Variants in KIF16B observed in about 807,000 individuals in gnomAD.
The protein encoded by KIF16B is kinesin-like protein KIF16B.
Under a neutral mutation model 156.3 loss-of-function variants are expected in KIF16B, and 98 were observed. The observed-to-expected ratio is 0.63, with a 90% CI of 0.53 to 0.74. The LOEUF (loss-of-function observed/expected upper bound fraction) is 0.74. Among genes scored for constraint, KIF16B ranks in the 30% least tolerant of loss-of-function variants. The pLI, the probability that KIF16B is intolerant of heterozygous loss-of-function variation, is 0.00. For synonymous variants in KIF16B, 564 were observed against 583.7 expected (o/e 0.97, Z 0.49); for missense variants, 1,421 against 1,606.5 (o/e 0.88, Z 1.97).
rs2063005077 is a variant in KIF16B at position 16,273,093 on chromosome 20, C to T, written c.*160G>A. 3.1e-6 allele frequency: 2 copies of T among 649,492 alleles called. No individual in the cohort carries two copies. Among genetic ancestry groups the T allele is most frequent in the African/African-American group, 1.8e-5 (1 of 55,176 alleles). The allele number at this position is 649,492 out of a possible 1,614,324, so 40.2% of individuals were successfully genotyped here. A position where few individuals can be genotyped will look rare whatever the true frequency, so the allele number is the denominator to read the frequency against. ...AGAGCATCCCATCCCCAAACTCAGG[C>T]ACTAGGTATGGAAACGTGAGGTGGC... On this transcript the variant is annotated 3_prime_UTR_variant, in exon 26 of 26. Transcript: ENST00000354981.
At chr20:16,469,584 T>C (rs1397340255) in intron 12 of KIF16B, among the ~76,000 whole-genome samples, 1 of 146,442 alleles carries the variant, frequency 6.8e-6, no homozygotes, top group South Asian at 2.1e-4. Flanking sequence ...AAGAGTAAAT[T>C]AAATGCAAAG....
rs765327943 is a variant in KIF16B at position 16,273,360 on chromosome 20, G to A, written c.3847C>T (p.Leu1283Phe). The A allele has an allele frequency of 2.5e-6, 4 of 1,613,794 alleles. No homozygotes were observed. The highest frequency in any genetic ancestry group is 1.3e-5 in the African/African-American group (1 of 75,040). The change falls in exon 26 of 26, where the codon CTC becomes TTC. Residue 1283 changes from leucine (L) to phenylalanine (F), a missense_variant. Physicochemically the swap from Leu to Phe is conservative, Grantham distance 22. Coordinates refer to ENST00000354981, the MANE Select transcript of KIF16B (RefSeq NM_024704.5). ...SVMLQSATSPLHINKVGLTLS... is the reference protein window; with the variant it reads ...SVMLQSATSPFHINKVGLTLS... The stretch of plus-strand genomic sequence containing the variant: ...GTCAGTCCCACTTTGTTGATGTGGA[G>A]GGGAGATGTTGCGGACTGGAGCATC...
intron 25 of KIF16B, among the ~76,000 whole-genome samples, chr20:16,311,044 G>A (rs1194496080): frequency 6.6e-6 from 1 of 152,220 alleles, no homozygotes; most frequent in Admixed American, 6.5e-5. Flanking sequence ...GGCATTAAGT[G>A]CATGCCATGG....
At chr20:16,309,368 C>T (rs1202780897) in intron 25 of KIF16B, among the ~76,000 whole-genome samples, 1 of 152,146 alleles carries the variant, frequency 6.6e-6, no homozygotes, top group Non-Finnish European at 1.5e-5. Flanking sequence ...TTAAATGTTA[C>T]AATTTCCAGC....
chr20:16,547,137 C>T (rs567476936), intron 1 of KIF16B, among the ~76,000 whole-genome samples: 1 of 152,266 alleles, frequency 6.6e-6, no homozygotes, highest in South Asian at 2.1e-4. Flanking sequence ...TACAGACTGT[C>T]CCACCTAAAG....
intron 12 of KIF16B, among the ~76,000 whole-genome samples, chr20:16,482,856 C>T (rs1056846762): frequency 1.3e-5 from 2 of 152,152 alleles, no homozygotes; most frequent in African/African-American, 4.8e-5. Context: ...GATTCACCTG[C>T]TCCCCCAACC....
intron 25 of KIF16B, among the ~76,000 whole-genome samples, chr20:16,299,917 G>C (rs1366050583): frequency 1.3e-5 from 2 of 152,100 alleles, no homozygotes; most frequent in African/African-American, 2.4e-5. Flanking sequence ...AGGTCACTTA[G>C]AATATCGCAA....
chr20:16,428,631 T>C (rs1027969943), intron 14 of KIF16B, among the ~76,000 whole-genome samples: 1 of 152,156 alleles, frequency 6.6e-6, no homozygotes, highest in Non-Finnish European at 1.5e-5. Flanking sequence ...TCAATCATTG[T>C]TCCATTGTGA....
chr20:16,333,787 T>A (rs949453585), intron 24 of KIF16B, among the ~76,000 whole-genome samples: 3 of 152,202 alleles, frequency 2.0e-5, no homozygotes, highest in Non-Finnish European at 4.4e-5. Flanking sequence ...AAAACTCTTT[T>A]AAATATCTCT....
chr20:16,345,173 G>A (rs999851093), intron 23 of KIF16B, among the ~76,000 whole-genome samples: 3 of 152,174 alleles, frequency 2.0e-5, no homozygotes, highest in African/African-American at 7.2e-5. Context: ...ATGCCTCCAT[G>A]AGCCCATTGG....
At chr20:16,555,585 T>C (rs1265819581) in intron 1 of KIF16B, among the ~76,000 whole-genome samples, 3 of 152,222 alleles carry the variant, frequency 2.0e-5, no homozygotes, top group African/African-American at 7.2e-5. Flanking sequence ...GCACTTAATG[T>C]CTGCTGACCA....
At chr20:16,357,522 A>C (rs1352168371) in intron 22 of KIF16B, among the ~76,000 whole-genome samples, 2 of 152,174 alleles carry the variant, frequency 1.3e-5, no homozygotes, top group Non-Finnish European at 2.9e-5. Flanking sequence ...GCTAATGAAC[A>C]CTTCACACAT....
At chr20:16,335,059 T>A (rs982674898) in intron 24 of KIF16B, among the ~76,000 whole-genome samples, 7 of 152,346 alleles carry the variant, frequency 4.6e-5, no homozygotes, top group African/African-American at 1.7e-4. Context: ...AAGGAAACAT[T>A]ATTTAATGTG....
intron 1 of KIF16B, among the ~76,000 whole-genome samples, chr20:16,565,037 G>A (rs2071202571): frequency 6.8e-6 from 1 of 146,902 alleles, no homozygotes; most frequent in Non-Finnish European, 1.5e-5. Flanking sequence ...AAATCTGGCT[G>A]TCAGTAACCA....
intron 23 of KIF16B, among the ~76,000 whole-genome samples, chr20:16,339,079 C>T (rs1349345848): frequency 6.6e-6 from 1 of 152,128 alleles, no homozygotes; most frequent in African/African-American, 2.4e-5. Context: ...TTTAAATGCT[C>T]ATGGAGTAAT....
chr20:16,410,000 CAT>C (rs66507035), intron 15 of KIF16B, among the ~76,000 whole-genome samples: 4 of 75,492 alleles, frequency 5.3e-5, no homozygotes, highest in Admixed American at 1.3e-4. Context: ...TATGTAGGTA[CAT>C]ATATATATGT....
At chr20:16,440,533 G>GCACACACGCA (rs2066766197) in intron 12 of KIF16B, among the ~76,000 whole-genome samples, 1 of 138,252 alleles carries the variant, frequency 7.2e-6, no homozygotes, top group Admixed American at 7.3e-5. Context: ...ACAAGCGCGC[G>GCACACACGCA]CACACACACA....
chr20:16,410,170 C>CAT (rs374405612), intron 15 of KIF16B, among the ~76,000 whole-genome samples: 5 of 134,794 alleles, frequency 3.7e-5, no homozygotes, highest in South Asian at 2.4e-4. Context: ...TATGTAGGTA[C>CAT]ATATATATAT....
At chr20:16,512,707 A>C (rs1370484276) in intron 5 of KIF16B, 119 bp downstream of exon 5, 2 of 624,082 alleles carry the variant, frequency 3.2e-6, no homozygotes, top group African/African-American at 3.6e-5. Flanking sequence ...GGAGGGGAAA[A>C]GGGAAGACTT....
Sources: gnomAD v4.1 joint callset for allele counts (sites outside exome capture counted in the v4.1 genomes callset) on GRCh38, gnomAD v4.1.1 for gene constraint, MANE v1.5 for transcripts, NCBI Gene and HGNC (gene_info 2026-07-23, HGNC 2026-07-21) for gene names.